Variants in AKAP9 observed in about 807,000 individuals in gnomAD.
AKAP9 encodes A-kinase anchoring protein 9.
AKAP9 carries 311 observed loss-of-function variants against 488.5 expected under a neutral mutation model. The observed-to-expected ratio is 0.64, with a 90% CI of 0.58 to 0.70. AKAP9 has a LOEUF of 0.70. Ranked by LOEUF, AKAP9 falls within the 30% of genes least tolerant of loss-of-function variation. AKAP9 has a pLI of 0.00. For missense variants in AKAP9, 4,215 were observed against 4,374.5 expected, an observed-to-expected ratio of 0.96 and a Z score of 1.03; for synonymous variants, 1,462 against 1,483.5, an observed-to-expected ratio of 0.99 and a Z score of 0.33.
chr7:92,094,980 G>A (rs779436888), intron 39 of AKAP9, 43 bp from the exon 40 acceptor site: 63 of 1,599,036 alleles, frequency 3.9e-5, no homozygotes, highest in Middle Eastern at 1.7e-4. Flanking sequence ...TATATGCTTC[G>A]TCAACATAGC....
In AKAP9 at chr7:92,097,171, A is replaced by C; in HGVS notation, c.10212A>C (p.Lys3404Asn). 6.2e-7 allele frequency: 1 copy of C among 1,614,016 alleles called. No homozygotes were observed. The highest frequency in any genetic ancestry group is 8.5e-7 in the Non-Finnish European group (1 of 1,179,970). Residue 3404 changes from lysine to asparagine, a missense_variant, in exon 41 of 50, where the codon AAA becomes AAC. Coordinates refer to ENST00000356239, the MANE Select transcript of AKAP9 (RefSeq NM_005751.5). The stretch of plus-strand genomic sequence containing the variant: ...AGGCCAACACTGAGGGACAGAAAAA[A>C]ATGCATGAGCTCCAGTCCAAAGTGG... ...EQEANTEGQKKMHELQSKVED... is the reference protein window; with the variant it reads ...EQEANTEGQKNMHELQSKVED...
chr7:91,985,157 A>G (rs956478617), intron 3 of AKAP9, among the ~76,000 whole-genome samples: 21 of 152,198 alleles, frequency 1.4e-4, no homozygotes, highest in African/African-American at 5.1e-4. Flanking sequence ...TATGTTGAAT[A>G]GGAGTGGTGA....
At chr7:92,077,949 C>T (rs1423470764) in intron 30 of AKAP9, 74 bp downstream of exon 30, 52 of 1,011,896 alleles carry the variant, frequency 5.1e-5, no homozygotes, top group Non-Finnish European at 1.4e-6. Context: ...TATAATGTTG[C>T]TCCCCATTGA....
chr7:92,081,729 C>T (rs948410462), intron 31 of AKAP9, among the ~76,000 whole-genome samples: 3 of 151,796 alleles, frequency 2.0e-5, no homozygotes, highest in Admixed American at 1.3e-4. Context: ...GATCTGAAAT[C>T]GCAGTTATTT....
intron 3 of AKAP9, among the ~76,000 whole-genome samples, chr7:91,987,433 A>AAGAAAAAAG (rs988304720): frequency 6.6e-6 from 1 of 151,988 alleles, no homozygotes; most frequent in African/African-American, 2.4e-5. Flanking sequence ...AAAAAAAAAG[A>AAGAAAAAAG]AGAAAAAAGA....
At chr7:91,966,680 C>T (rs778719555) in intron 1 of AKAP9, among the ~76,000 whole-genome samples, 5 of 152,218 alleles carry the variant, frequency 3.3e-5, no homozygotes, top group Non-Finnish European at 7.4e-5. Context: ...TTCTCTGTTT[C>T]GTTCCATTGG....
intron 4 of AKAP9, 88 bp from the exon 5 acceptor site, chr7:91,992,797 G>C: frequency 7.9e-7 from 1 of 1,264,566 alleles, no homozygotes; most frequent in East Asian, 2.5e-5. Context: ...GTTTTAAAGT[G>C]GACCTTGCTA....
intron 5 of AKAP9, 70 bp downstream of exon 5, chr7:91,993,125 A>G (rs1797971831): frequency 1.9e-6 from 3 of 1,541,426 alleles, no homozygotes; most frequent in Admixed American, 3.7e-5. Context: ...GAATAATAGT[A>G]GTCTTTAAAG....
At chr7:92,052,149 T>C (rs955203979) in intron 21 of AKAP9, among the ~76,000 whole-genome samples, 1 of 152,198 alleles carries the variant, frequency 6.6e-6, no homozygotes, top group African/African-American at 2.4e-5. Context: ...GCAGATGATA[T>C]TGCCCAGTGT....
chr7:92,086,967 C>A (rs1814669590), intron 37 of AKAP9, among the ~76,000 whole-genome samples: 1 of 152,178 alleles, frequency 6.6e-6, no homozygotes, highest in Non-Finnish European at 1.5e-5. Flanking sequence ...TACTTAGGAA[C>A]ACCATAAAGC....
At chr7:92,066,781 C>T (rs754642159) in intron 26 of AKAP9, among the ~76,000 whole-genome samples, 2 of 152,056 alleles carry the variant, frequency 1.3e-5, no homozygotes, top group Non-Finnish European at 2.9e-5. Context: ...ATTAAATAAA[C>T]TCTGTTTATT....
rs1816612502 is a variant in AKAP9 at position 92,096,562 on chromosome 7, C to T, written c.9730-127C>T. 6.7e-6 allele frequency: 7 copies of T among 1,047,908 alleles called. No individual in the cohort carries two copies. In the South Asian group the frequency reaches 7.3e-5, roughly 11 times the overall value. The allele number at this position is 1,047,908 out of a possible 1,614,324, so 64.9% of individuals were successfully genotyped here. A position where few individuals can be genotyped will look rare whatever the true frequency, so the allele number is the denominator to read the frequency against. ...ATGTTGGCCAGGCTGGGCTTGAACT[C>T]TTGACCTCAGGTGATCTGCCCGCCT... is the stretch of plus-strand genomic sequence containing the variant. On this transcript the variant is annotated intron_variant, in intron 40 of 49. Coordinates refer to ENST00000356239, the MANE Select transcript of AKAP9 (RefSeq NM_005751.5).
intron 37 of AKAP9, among the ~76,000 whole-genome samples, chr7:92,087,065 A>G (rs140479840): frequency 6.6e-6 from 1 of 152,354 alleles, no homozygotes; most frequent in East Asian, 1.9e-4. Context: ...AGTACTCTGT[A>G]AAAAGGACAT....
Position 92,001,963 on chromosome 7 carries a change from G to A in AKAP9, c.2046G>A (p.Gln682=). 6.2e-7 allele frequency: 1 copy of A among 1,613,010 alleles called. No homozygotes were observed. The highest frequency in any genetic ancestry group is 8.5e-7 in the Non-Finnish European group (1 of 1,179,608). The change falls in exon 8 of 50, where the codon CAG becomes CAA. Residue 682 remains glutamine (Q), a synonymous_variant. Transcript: ENST00000356239. The part of the protein sequence containing the change: ...NEMSQKIETM[Q]FEKDNLITKQ... ...TGAGTCAAAAGATAGAAACCATGCAGTTTGAAAAGGACAATTTGATAACTA... is the reference window on the plus strand; with the variant it reads ...TGAGTCAAAAGATAGAAACCATGCAATTTGAAAAGGACAATTTGATAACTA...
At chr7:91,995,971 A>G (rs1450322147) in intron 7 of AKAP9, 171 bp downstream of exon 7, 3 of 624,078 alleles carry the variant, frequency 4.8e-6, no homozygotes, top group South Asian at 2.0e-5. Context: ...AGTTTTTAAG[A>G]TAATAGTCAT....
At chr7:91,999,986 G>A (rs1040679775) in intron 7 of AKAP9, among the ~76,000 whole-genome samples, 1 of 152,086 alleles carries the variant, frequency 6.6e-6, no homozygotes, top group Non-Finnish European at 1.5e-5. Flanking sequence ...GTATTTATTT[G>A]TTTTTGAGAC....
At chr7:92,061,459 A>G (rs771129668) in intron 23 of AKAP9, 37 bp downstream of exon 23, 37 of 1,610,060 alleles carry the variant, frequency 2.3e-5, no homozygotes, top group Non-Finnish European at 3.1e-5. Context: ...GGGTAGAGAA[A>G]TTTCAGTCTT....
chr7:91,963,586 C>T (rs906487356), intron 1 of AKAP9, among the ~76,000 whole-genome samples: 1 of 151,812 alleles, frequency 6.6e-6, no homozygotes, highest in Non-Finnish European at 1.5e-5. Flanking sequence ...GGCATGATCT[C>T]GGCTCACTGC....
chr7:92,058,543 A>C (rs2130815694), intron 22 of AKAP9: 1 of 256,268 alleles, frequency 3.9e-6, no homozygotes, highest in South Asian at 4.3e-5. Context: ...AGATGTATTT[A>C]AGGGCTAAAT....
Sources: gnomAD v4.1 joint callset for allele counts (sites outside exome capture counted in the v4.1 genomes callset) on GRCh38, gnomAD v4.1.1 for gene constraint, MANE v1.5 for transcripts, NCBI Gene and HGNC (gene_info 2026-07-23, HGNC 2026-07-21) for gene names.